Variants in XYLT1 observed in about 807,000 individuals in gnomAD.
The protein encoded by XYLT1 is xylosyltransferase 1, also known as beta-D-xylosyltransferase 1.
In XYLT1, 36 loss-of-function variants were observed where a neutral mutation model predicts 91.3. That is an observed-to-expected ratio of 0.39 (90% CI 0.30 to 0.52). The LOEUF is 0.52. Ranked by LOEUF, XYLT1 falls within the 20% of genes least tolerant of loss-of-function variation. The pLI is 0.68. For synonymous variants in XYLT1, 588 were observed against 532.0 expected, an observed-to-expected ratio of 1.11 and a Z score of -1.45; for missense variants, 1,242 against 1,284.5, an observed-to-expected ratio of 0.97 and a Z score of 0.51.
chr16:17,262,620 T>C (rs1459789598), intron 2 of XYLT1, among the ~76,000 whole-genome samples: 1 of 152,122 alleles, frequency 6.6e-6, no homozygotes, highest in Non-Finnish European at 1.5e-5. Flanking sequence ...CTATCCCTTG[T>C]ATATTAGGCA....
At chr16:17,380,327 G>A (rs1170950210) in intron 1 of XYLT1, among the ~76,000 whole-genome samples, 1 of 152,114 alleles carries the variant, frequency 6.6e-6, no homozygotes, top group Non-Finnish European at 1.5e-5. Flanking sequence ...ATAAAAAGAG[G>A]TGGTTGGAGC....
intron 3 of XYLT1, among the ~76,000 whole-genome samples, chr16:17,201,566 T>C (rs2032542969): frequency 6.6e-6 from 1 of 151,272 alleles, no homozygotes; most frequent in Non-Finnish European, 1.5e-5. Context: ...CCTCCACCTC[T>C]CAGGTTCAAG....
At chr16:17,301,770 A>C (rs1338034703) in intron 2 of XYLT1, among the ~76,000 whole-genome samples, 1 of 152,188 alleles carries the variant, frequency 6.6e-6, no homozygotes, top group African/African-American at 2.4e-5. Context: ...GAAGACTCGG[A>C]GGTTTACAAA....
chr16:17,298,234 T>C (rs1386328847), intron 2 of XYLT1, among the ~76,000 whole-genome samples: 1 of 152,060 alleles, frequency 6.6e-6, no homozygotes, highest in East Asian at 1.9e-4. Flanking sequence ...ACGGATGGTG[T>C]CACATCTAGT....
chr16:17,206,291 G>C (rs141847400), intron 3 of XYLT1, among the ~76,000 whole-genome samples: 38 of 152,250 alleles, frequency 2.5e-4, no homozygotes, highest in African/African-American at 9.1e-4. Context: ...GTTAGATCTG[G>C]GTGGGAGATG....
At chr16:17,121,408 G>A (rs2030050512) in intron 10 of XYLT1, among the ~76,000 whole-genome samples, 1 of 152,182 alleles carries the variant, frequency 6.6e-6, no homozygotes, top group South Asian at 2.1e-4. Flanking sequence ...CATCCTCCAA[G>A]ACCTTCTCAA....
chr16:17,124,379 T>C (rs2030183302), intron 10 of XYLT1, among the ~76,000 whole-genome samples: 1 of 152,238 alleles, frequency 6.6e-6, no homozygotes, highest in African/African-American at 2.4e-5. Context: ...TTATGAAGCT[T>C]AGTTTCACTG....
intron 11 of XYLT1, among the ~76,000 whole-genome samples, chr16:17,110,354 C>T (rs1174323889): frequency 6.6e-6 from 1 of 152,150 alleles, no homozygotes; most frequent in Non-Finnish European, 1.5e-5. Flanking sequence ...TGGGAGGGAC[C>T]TGGTGGGAAG....
chr16:17,311,791 G>T (rs778987641), intron 2 of XYLT1, among the ~76,000 whole-genome samples: 3 of 93,026 alleles, frequency 3.2e-5, no homozygotes, highest in Admixed American at 1.1e-4. Context: ...TGGGGAGGCC[G>T]CACAATCATG....
chr16:17,243,011 A>G (rs750081353), intron 3 of XYLT1, among the ~76,000 whole-genome samples: 4 of 152,206 alleles, frequency 2.6e-5, no homozygotes, highest in African/African-American at 7.2e-5. Flanking sequence ...TTATCCTTTC[A>G]TCTGTTCATG....
intron 4 of XYLT1, among the ~76,000 whole-genome samples, chr16:17,199,093 G>A (rs1205650311): frequency 6.6e-6 from 1 of 152,206 alleles, no homozygotes; most frequent in Non-Finnish European, 1.5e-5. Context: ...AGGAAGACAA[G>A]CTGGGAAATA....
Position 17,431,342 on chromosome 16 carries a change from C to T in XYLT1, c.363+39092G>A, listed in dbSNP as rs571441836. ...AAATGCAAATTCTGACTCAGAAGGT[C>T]GGGAGTGGGGCTTGAGATTCTGCAT... On this transcript the variant is annotated intron_variant, in intron 1 of 11. Transcript: ENST00000261381. Among the ~76,000 whole-genome samples, 14 of 152,168 alleles carry T rather than the reference C, an allele frequency of 9.2e-5. No homozygotes were observed. In the East Asian group the frequency reaches 1.7e-3, roughly 19 times the overall value.
chr16:17,423,421 GT>G (rs1197974494), intron 1 of XYLT1, among the ~76,000 whole-genome samples: 3 of 152,084 alleles, frequency 2.0e-5, no homozygotes, highest in Admixed American at 2.0e-4. Context: ...TAAGGCGATT[GT>G]TTTTTCCTCA....
At chr16:17,132,701 G>A (rs367650867) in intron 9 of XYLT1, among the ~76,000 whole-genome samples, 5 of 152,222 alleles carry the variant, frequency 3.3e-5, no homozygotes, top group South Asian at 2.1e-4. Context: ...TCAGGAGTTC[G>A]AGACCAGCCT....
intron 6 of XYLT1, among the ~76,000 whole-genome samples, chr16:17,142,079 A>ATTAT (rs1215122030): frequency 1.3e-5 from 2 of 152,010 alleles, no homozygotes; most frequent in African/African-American, 4.8e-5. Flanking sequence ...GATTTTTAAA[A>ATTAT]TTATTTTTGT....
intron 1 of XYLT1, among the ~76,000 whole-genome samples, chr16:17,454,903 T>TCCC (rs201490419): frequency 1.4e-4 from 5 of 36,964 alleles, no homozygotes; most frequent in African/African-American, 1.9e-4. Context: ...CATTCTTTCC[T>TCCC]CCCCCCCCCG....
intron 11 of XYLT1, among the ~76,000 whole-genome samples, chr16:17,112,524 G>A (rs1966844133): frequency 1.3e-5 from 2 of 152,036 alleles, no homozygotes. Flanking sequence ...GTGTGTTCAG[G>A]AGCACTGCTT....
chr16:17,441,161 G>A (rs1010114135), intron 1 of XYLT1, among the ~76,000 whole-genome samples: 2 of 151,698 alleles, frequency 1.3e-5, no homozygotes, highest in African/African-American at 2.4e-5. Context: ...GCGACAGAAC[G>A]CCTCCCAGGT....
intron 2 of XYLT1, among the ~76,000 whole-genome samples, chr16:17,325,161 G>A (rs2034780702): frequency 6.6e-6 from 1 of 152,182 alleles, no homozygotes; most frequent in Admixed American, 6.5e-5. Flanking sequence ...ACTTTGGGAG[G>A]CTGAGGTGGG....
Sources: allele counts gnomAD v4.1 joint callset (sites outside exome capture counted in the v4.1 genomes callset), GRCh38; gene constraint gnomAD v4.1.1; transcripts MANE v1.5; gene names NCBI Gene and HGNC (gene_info 2026-07-23, HGNC 2026-07-21).